Variants in DAB2IP observed in about 807,000 individuals in gnomAD.
DAB2IP encodes the protein disabled homolog 2-interacting protein.
Under a neutral mutation model 107.2 loss-of-function variants are expected in DAB2IP, and 28 were observed. That is an observed-to-expected ratio of 0.26 (90% CI 0.19 to 0.36). The LOEUF (loss-of-function observed/expected upper bound fraction) is 0.36, where lower values mean the gene tolerates loss of function less well. Among genes scored for constraint, DAB2IP ranks in the 10% least tolerant of loss-of-function variants. The pLI, the probability that DAB2IP is intolerant of heterozygous loss-of-function variation, is 1.00. For synonymous variants in DAB2IP, 755 were observed against 706.4 expected (o/e 1.07, Z -1.09); for missense variants, 1,400 against 1,644.7 (o/e 0.85, Z 2.57).
chr9:121,783,739 G>C (rs1014144827), exon 16 of DAB2IP: 2 of 754,804 alleles, frequency 2.6e-6, no homozygotes, highest in African/African-American at 1.7e-5. Flanking sequence ...GGACCCAGGC[G>C]CTGCATACAG....
At chr9:121,774,217 C>T (rs1251576479) in intron 12 of DAB2IP, 43 bp from the exon 13 acceptor site, 14 of 1,523,646 alleles carry the variant, frequency 9.2e-6, no homozygotes, top group African/African-American at 1.4e-5. Flanking sequence ...TCCTGCTTGC[C>T]CTCCACCTCC....
intron 3 of DAB2IP, among the ~76,000 whole-genome samples, chr9:121,704,764 T>C (rs185368561): frequency 6.6e-6 from 1 of 152,234 alleles, no homozygotes; most frequent in Non-Finnish European, 1.5e-5. Context: ...TTCATAAGGA[T>C]GCCCTGTATT....
chr9:121,624,762 A>T (rs192954842), intron 1 of DAB2IP, among the ~76,000 whole-genome samples: 81 of 152,326 alleles, frequency 5.3e-4, no homozygotes, highest in Non-Finnish European at 1.0e-3. Context: ...AAATCGCCTA[A>T]TGATGCATTT....
rs892317493 is a variant in DAB2IP at position 121,634,087 on chromosome 9, C to G, written c.41-44591C>G. Reference sequence around the variant, plus strand: ...ACTGTCAGCTCTCTGAGGACAGGGACTGTGTCAGAGCCCTCTCAGGACACA... The same window carrying G: ...ACTGTCAGCTCTCTGAGGACAGGGAGTGTGTCAGAGCCCTCTCAGGACACA... On this transcript the variant is annotated intron_variant, in intron 1 of 16. Transcript: ENST00000259371. This position sits in a 1 kb window ranked among gnomAD's most constrained non-coding sequence, Gnocchi z 4.7. Among the ~76,000 whole-genome samples, 1 of 152,330 alleles carries G rather than the reference C, an allele frequency of 6.6e-6. No homozygotes were observed. The highest frequency in any genetic ancestry group is 2.4e-5 in the African/African-American group (1 of 41,576).
chr9:121,708,944 G>A (rs1224623868), intron 3 of DAB2IP, among the ~76,000 whole-genome samples: 2 of 152,308 alleles, frequency 1.3e-5, no homozygotes, highest in East Asian at 3.9e-4. Context: ...CACCTGCTAG[G>A]GTAGTGGGAG....
In DAB2IP at chr9:121,701,766, G is replaced by A. The variant is rs1439858276; in HGVS notation, c.362+2308G>A. ...AAAAACAACTATGGTGACCCCGCCC[G>A]CCCCCCAGCTCATGGCCAAACCTGG... On this transcript the variant is annotated intron_variant, in intron 3 of 15. Coordinates refer to ENST00000408936, the Ensembl canonical transcript of DAB2IP. This position sits in a 1 kb window ranked among gnomAD's most constrained non-coding sequence, Gnocchi z 4.7. Among the ~76,000 whole-genome samples the A allele has an allele frequency of 2.6e-5, 4 of 152,106 alleles. No homozygotes were observed. The highest frequency in any genetic ancestry group is 1.9e-4 in the East Asian group (1 of 5,190).
chr9:121,718,102 G>C (rs889529243), intron 3 of DAB2IP, among the ~76,000 whole-genome samples: 1 of 152,156 alleles, frequency 6.6e-6, no homozygotes, highest in Non-Finnish European at 1.5e-5. Flanking sequence ...GCCCAGGAGA[G>C]AGCGACCCAT....
At chr9:121,718,796 T>C (rs950198111) in intron 3 of DAB2IP, among the ~76,000 whole-genome samples, 1 of 152,230 alleles carries the variant, frequency 6.6e-6, no homozygotes, top group African/African-American at 2.4e-5. Context: ...GTCCTCTCTC[T>C]GGAATGCTGC....
At chr9:121,582,419 T>TG (rs1171127653) in intron 1 of DAB2IP, among the ~76,000 whole-genome samples, 3 of 151,904 alleles carry the variant, frequency 2.0e-5, no homozygotes, top group Non-Finnish European at 1.5e-5. Flanking sequence ...GTGCGGGCTG[T>TG]GGGGGGTGAG....
At position 121,737,120 on chromosome 9, in the gene DAB2IP, G is replaced by A. The variant is rs559422551; in HGVS notation, c.363-19893G>A. The A allele has an allele frequency of 5.4e-6, 5 of 931,256 alleles. No individual in the cohort carries two copies. The African/African-American group carries it at 8.9e-5, about 17-fold the overall frequency. 57.7% of individuals were successfully genotyped at this position (931,256 alleles called of 1,614,324 possible). ...CAGGATATGACCTTGGGCGGAGTCA[G>A]TATGTTAGGGGAGGAGCCTGTAGGG... On this transcript the variant is annotated intron_variant, in intron 3 of 15. Transcript: ENST00000408936.
chr9:121,656,109 A>C (rs1832961380), intron 1 of DAB2IP, among the ~76,000 whole-genome samples: 1 of 151,844 alleles, frequency 6.6e-6, no homozygotes, highest in Non-Finnish European at 1.5e-5. Flanking sequence ...CCCGGGTTCA[A>C]GCGATTCTCC....
At chr9:121,587,124 A>C (rs1200463406) in intron 1 of DAB2IP, among the ~76,000 whole-genome samples, 3 of 152,220 alleles carry the variant, frequency 2.0e-5, no homozygotes, top group African/African-American at 7.2e-5. Flanking sequence ...AGAGACAAGG[A>C]AATGAAGGCT....
Position 121,782,456 on chromosome 9 carries a change from G to C in DAB2IP, c.3528G>C (p.Gln1176His). 6.2e-7 allele frequency: 1 copy of C among 1,614,100 alleles called. No homozygotes were observed. The highest frequency in any genetic ancestry group is 1.3e-5 in the African/African-American group (1 of 75,052). ...CCCCCACCAACCCCACCAAATTGCA[G>C]ATTACTGAGAACGGCGAGTTCAGAA... is the stretch of plus-strand genomic sequence containing the variant. Residue 1176 changes from glutamine (Q) to histidine (H), a missense_variant, in exon 16 of 16, where the codon CAG becomes CAC. Physicochemically the swap from Gln to His is conservative, Grantham distance 24. Around this residue, in one of 3 missense-constraint regions of DAB2IP, gnomAD observed 600 missense variants for 659.1 expected, o/e 0.91. Coordinates refer to ENST00000408936, the Ensembl canonical transcript of DAB2IP. This position sits in a 1 kb window ranked among gnomAD's most constrained non-coding sequence, Gnocchi z 6.1.
chr9:121,747,235 G>T (rs1431928462), intron 3 of DAB2IP, among the ~76,000 whole-genome samples: 1 of 152,078 alleles, frequency 6.6e-6, no homozygotes, highest in East Asian at 1.9e-4. Flanking sequence ...GCCAGGGAGG[G>T]CTGCAGGGTT....
In DAB2IP at chr9:121,772,960, G is replaced by C. The variant is rs1834880577; in HGVS notation, c.2432G>C (p.Gly811Ala). The C allele has an allele frequency of 6.3e-7, 1 of 1,583,260 alleles. No homozygotes were observed. The highest frequency in any genetic ancestry group is 2.2e-5 in the East Asian group (1 of 44,626). ...GCAGGCCAGACACCAACCACACCAG[G>C]CACCTCCGAGGGCGCGCCAGGCCGG... is the stretch of plus-strand genomic sequence containing the variant. Residue 811 changes from glycine to alanine, a missense_variant, in exon 12 of 16, where the codon GGC becomes GCC. Gly to Ala is a moderately conservative substitution (Grantham distance 60). Around this residue, in one of 3 missense-constraint regions of DAB2IP, gnomAD observed 600 missense variants for 659.1 expected, o/e 0.91. Coordinates refer to ENST00000408936, the Ensembl canonical transcript of DAB2IP. This position sits in a 1 kb window ranked among gnomAD's most constrained non-coding sequence, Gnocchi z 4.7.
intron 1 of DAB2IP, among the ~76,000 whole-genome samples, chr9:121,594,954 C>A (rs1830497643): frequency 6.6e-6 from 1 of 152,096 alleles, no homozygotes; most frequent in African/African-American, 2.4e-5. Context: ...ACAGTGTGTG[C>A]AAATTCCTGG....
Position 121,756,983 on chromosome 9 carries a change from G to A in DAB2IP, c.363-30G>A, listed in dbSNP as rs748316736. Reference sequence around the variant, plus strand: ...AACCAGCTTGACCCGGGCTGTGGGGGCCCACCTGACACACCTACTGCCACC... The same window carrying A: ...AACCAGCTTGACCCGGGCTGTGGGGACCCACCTGACACACCTACTGCCACC... On this transcript the variant is annotated intron_variant, in intron 3 of 15. Coordinates refer to ENST00000408936, the Ensembl canonical transcript of DAB2IP. 4.3e-6 allele frequency: 7 copies of A among 1,613,030 alleles called. No homozygotes were observed. The South Asian group carries it at 7.7e-5, about 18-fold the overall frequency.
chr9:121,683,114 C>G (rs1437906598), intron 2 of DAB2IP, among the ~76,000 whole-genome samples: 1 of 152,144 alleles, frequency 6.6e-6, no homozygotes, highest in Non-Finnish European at 1.5e-5. Flanking sequence ...AGGCAGCAAG[C>G]TGGGGCCCTG....
At position 121,578,722 on chromosome 9, in the gene DAB2IP, CTTTTTTTTTTTTTTTTTTTTTTT is replaced by C. The variant is rs749525264; in HGVS notation, c.40+11508_40+11530del. Among the ~76,000 whole-genome samples, 18 of 47,432 alleles carry C rather than the reference CTTTTTTTTTTTTTTTTTTTTTTT, an allele frequency of 3.8e-4. 1 individual carries two copies. In the East Asian group the frequency reaches 0.014, roughly 36 times the overall value. The allele number at this position is 47,432 out of a possible 152,430, so 31.1% of individuals were successfully genotyped here. On this transcript the variant is annotated intron_variant, in intron 1 of 16. Transcript: ENST00000259371. ...CTGCCTCATCCTCTCCGGCCTATGT[CTTTTTTTTTTTTTTTTTTTTTTT>C]TTTTTTTTTTTTTGAGACGAAGTCT...
Sources: gnomAD v4.1 joint callset for allele counts (sites outside exome capture counted in the v4.1 genomes callset) on GRCh38, gnomAD v4.1.1 for gene constraint, gnomAD v4.1.1 regional missense constraint, Gnocchi (gnomAD v3.1) non-coding constraint, MANE v1.5 for transcripts, NCBI Gene and HGNC (gene_info 2026-07-23, HGNC 2026-07-21) for gene names.